Variants in KIAA1671 observed in about 807,000 individuals in gnomAD.
KIAA1671 encodes the protein KIAA1671.
Under a neutral mutation model 131.2 loss-of-function variants are expected in KIAA1671, and 52 were observed. The ratio of observed to expected loss-of-function variants is 0.40; its 90% CI spans 0.32 to 0.50. KIAA1671 has a LOEUF of 0.50. KIAA1671 is among the 20% of genes least tolerant of loss of function. The pLI, the probability that KIAA1671 is intolerant of heterozygous loss-of-function variation, is 0.73. For synonymous variants in KIAA1671, 1,003 were observed against 961.6 expected, an observed-to-expected ratio of 1.04 and a Z score of -0.80; for missense variants, 2,360 against 2,364.2, an observed-to-expected ratio of 1.00 and a Z score of 0.04.
chr22:25,026,466 C>T (rs1925947842), intron 2 of KIAA1671, among the ~76,000 whole-genome samples: 2 of 152,204 alleles, frequency 1.3e-5, no homozygotes, highest in Middle Eastern at 3.4e-3. Flanking sequence ...TGTGGTGGCT[C>T]AAGCCTGTAA....
chr22:24,963,103 T>A (rs1962635141), intron 1 of KIAA1671, among the ~76,000 whole-genome samples: 1 of 152,014 alleles, frequency 6.6e-6, no homozygotes, highest in Non-Finnish European at 1.5e-5. Flanking sequence ...CATCTCTCCA[T>A]AAAAATGTGT....
chr22:25,066,758 G>T (rs777143946), intron 6 of KIAA1671, among the ~76,000 whole-genome samples: 4 of 152,010 alleles, frequency 2.6e-5, no homozygotes, highest in Non-Finnish European at 5.9e-5. Context: ...ACTTTCGACA[G>T]CATGGGCAAA....
chr22:25,068,687 T>C (rs1169248330), intron 6 of KIAA1671, among the ~76,000 whole-genome samples: 7 of 152,174 alleles, frequency 4.6e-5, no homozygotes, highest in Admixed American at 6.5e-5. Flanking sequence ...CTGCCCACCT[T>C]GGCCTCCCAA....
intron 5 of KIAA1671, among the ~76,000 whole-genome samples, chr22:25,045,067 AGGAGAATGGCG>A (rs1927149518): frequency 1.1e-5 from 1 of 91,360 alleles, no homozygotes; most frequent in African/African-American, 9.9e-5. Context: ...AGGCTGAGGC[AGGAGAATGGCG>A]TGAACCCGGG....
intron 1 of KIAA1671, among the ~76,000 whole-genome samples, chr22:24,997,444 A>C (rs944449773): frequency 2.6e-5 from 4 of 152,068 alleles, no homozygotes; most frequent in Non-Finnish European, 4.4e-5. Context: ...TTGAGAGGGG[A>C]AATTGCCGGT....
At chr22:25,088,938 C>T (rs914223048) in intron 6 of KIAA1671, among the ~76,000 whole-genome samples, 5 of 152,290 alleles carry the variant, frequency 3.3e-5, no homozygotes, top group African/African-American at 7.2e-5. Context: ...CCATGGTTTC[C>T]GTATCCGTGG....
intron 1 of KIAA1671, among the ~76,000 whole-genome samples, chr22:24,957,965 CTT>C (rs140702390): frequency 7.9e-4 from 90 of 114,452 alleles, no homozygotes; most frequent in Admixed American, 2.0e-3. Flanking sequence ...GGCACCCGGC[CTT>C]TTTTTTTTTT....
Position 24,988,003 on chromosome 22 carries a change from C to T in KIAA1671, c.-208+35231C>T, listed in dbSNP as rs896682161. On this transcript the variant is annotated intron_variant, in intron 1 of 12. Coordinates refer to ENST00000358431, the MANE Select transcript of KIAA1671 (RefSeq NM_001145206.2). ...TCAAGACTCCTGCCTGGGCGGGGCACGGTGGTTCACGCCTGTAATCCCAGC... is the reference window on the plus strand; with the variant it reads ...TCAAGACTCCTGCCTGGGCGGGGCATGGTGGTTCACGCCTGTAATCCCAGC... 3.9e-5 allele frequency among the ~76,000 whole-genome samples: 6 copies of T among 152,144 alleles called. No individual in the cohort carries two copies. The South Asian group carries it at 8.3e-4, about 21-fold the overall frequency.
chr22:24,973,042 G>A (rs1569195561), intron 1 of KIAA1671, among the ~76,000 whole-genome samples: 1 of 152,168 alleles, frequency 6.6e-6, no homozygotes, highest in African/African-American at 2.4e-5. Context: ...CAAGTGCAAA[G>A]GCCCCCAGGC....
At chr22:24,967,454 G>A (rs1378956959) in intron 1 of KIAA1671, among the ~76,000 whole-genome samples, 1 of 152,240 alleles carries the variant, frequency 6.6e-6, no homozygotes. Flanking sequence ...GGAAGTTCCA[G>A]TGCTGTGTGT....
At chr22:25,120,462 A>G (rs1931879385) in intron 6 of KIAA1671, among the ~76,000 whole-genome samples, 1 of 152,224 alleles carries the variant, frequency 6.6e-6, no homozygotes. Context: ...TCTGGGTCTC[A>G]GAGTAGGAGC....
intron 6 of KIAA1671, among the ~76,000 whole-genome samples, chr22:25,129,806 T>C (rs953467667): frequency 6.6e-6 from 1 of 152,100 alleles, no homozygotes; most frequent in African/African-American, 2.4e-5. Context: ...TGATTATAGG[T>C]GCAGGTTACC....
rs1926876868 is a variant in KIAA1671, at chr22:25,040,789, A to G, written c.3659A>G (p.Gln1220Arg). 6.4e-7 allele frequency: 1 copy of G among 1,551,778 alleles called. No homozygotes were observed. Among genetic ancestry groups the G allele is most frequent in the Non-Finnish European group, 8.7e-7 (1 of 1,147,014 alleles). Reference protein sequence around the residue: ...ELSLKVPGEAQERRSPTVEPS... With the variant: ...ELSLKVPGEARERRSPTVEPS... ...TCGCTGAAAGTCCCTGGGGAGGCTC[A>G]GGAGAGGAGGAGTCCCACCGTGGAG... Residue 1220 changes from glutamine to arginine, a missense_variant, in exon 5 of 13, where the codon CAG (glutamine) becomes CGG (arginine). Coordinates refer to ENST00000358431, the MANE Select transcript of KIAA1671 (RefSeq NM_001145206.2).
At chr22:25,108,783 T>C (rs1006626166) in intron 6 of KIAA1671, among the ~76,000 whole-genome samples, 4 of 152,212 alleles carry the variant, frequency 2.6e-5, no homozygotes, top group Non-Finnish European at 5.9e-5. Flanking sequence ...GTGATGTCTA[T>C]GGGCCAGGAA....
At position 25,150,653 on chromosome 22, in the gene KIAA1671, G is replaced by T. The variant is rs147928520; in HGVS notation, c.4531-20167G>T. 1.4e-3 allele frequency among the ~76,000 whole-genome samples: 207 copies of T among 152,194 alleles called. 2 individuals carry two copies. The highest frequency in any genetic ancestry group is 4.7e-3 in the African/African-American group (197 of 41,514). Reference sequence around the variant, plus strand: ...TACCAAGACTCGGGAAATAGAACTCGGGCGTAGCTGGATGCCAGGCAGAGT... The same window carrying T: ...TACCAAGACTCGGGAAATAGAACTCTGGCGTAGCTGGATGCCAGGCAGAGT... On this transcript the variant is annotated intron_variant, in intron 6 of 12. Coordinates refer to ENST00000358431, the MANE Select transcript of KIAA1671 (RefSeq NM_001145206.2).
At position 24,992,106 on chromosome 22, in the gene KIAA1671, C is replaced by T. The variant is rs117551969; in HGVS notation, c.-207-33527C>T. On this transcript the variant is annotated intron_variant, in intron 1 of 12. Transcript: ENST00000358431. ...ACACCGCCCTTGGCATAACTGGCTG[C>T]GCCTGAAGCTAATGTCCTAAGAGAT... 3.1e-3 allele frequency among the ~76,000 whole-genome samples: 468 copies of T among 152,238 alleles called. 8 individuals carry two copies. The East Asian group carries it at 0.061, about 20-fold the overall frequency.
chr22:25,115,319 T>TG (rs1265699126), intron 6 of KIAA1671, among the ~76,000 whole-genome samples: 2 of 151,858 alleles, frequency 1.3e-5, no homozygotes, highest in Admixed American at 6.6e-5. Flanking sequence ...AAGCGGGAAG[T>TG]GGGGGGTCTC....
intron 6 of KIAA1671, among the ~76,000 whole-genome samples, chr22:25,109,776 C>T (rs1433175891): frequency 6.6e-6 from 1 of 152,186 alleles, no homozygotes; most frequent in Non-Finnish European, 1.5e-5. Context: ...TATGCAGTGC[C>T]TGGCTCAGAG....
chr22:25,038,736 CT>C, intron 4 of KIAA1671, 23 bp from the exon 5 acceptor site: 1 of 1,514,942 alleles, frequency 6.6e-7, no homozygotes, highest in Non-Finnish European at 8.9e-7. Flanking sequence ...TGAGGTGTTT[CT>C]TTTTCTTTTT....
Sources: allele counts gnomAD v4.1 joint callset (sites outside exome capture counted in the v4.1 genomes callset), GRCh38; gene constraint gnomAD v4.1.1; transcripts MANE v1.5; gene names NCBI Gene and HGNC (gene_info 2026-07-23, HGNC 2026-07-21).